The following ADGRE3 variants were observed in gnomAD, a reference collection of about 807,000 sequenced individuals.
The protein encoded by ADGRE3 is adhesion G protein-coupled receptor E3.
In ADGRE3, 88 loss-of-function variants were observed where a neutral mutation model predicts 80.1. The observed-to-expected ratio is 1.10, with a 90% CI of 0.93 to 1.31. The LOEUF is 1.31. Ranked by LOEUF, ADGRE3 falls within the 40% of genes most tolerant of loss-of-function variation. ADGRE3 has a pLI of 0.00. For missense variants in ADGRE3, 715 were observed against 776.5 expected (o/e 0.92, Z 0.94); for synonymous variants, 281 against 294.8 (o/e 0.95, Z 0.48).
At chr19:14,644,749 G>A (rs914094652) in intron 8 of ADGRE3, among the ~76,000 whole-genome samples, 12 of 151,248 alleles carry the variant, frequency 7.9e-5, no homozygotes, top group Admixed American at 7.2e-4. Flanking sequence ...TTTTTGAGAC[G>A]GGGTCTCATT....
chr19:14,625,748 T>A (rs1328240801), intron 14 of ADGRE3, 149 bp from the exon 15 acceptor site: 1 of 609,512 alleles, frequency 1.6e-6, no homozygotes, highest in East Asian at 2.8e-5. Flanking sequence ...TATTACTCAG[T>A]CTTATAAAGG....
chr19:14,660,336 C>T lies in ADGRE3; in HGVS notation c.355+1627G>A, dbSNP rs1971909896. On this transcript the variant is annotated intron_variant, in intron 4 of 15. Coordinates refer to ENST00000253673, the MANE Select transcript of ADGRE3 (RefSeq NM_032571.5). ...GAGGTGCGCATTGCTTAGTAAAAGA[C>T]AGATTTATGGCTGAGTGCTGTGGCT... Among the ~76,000 whole-genome samples the T allele has an allele frequency of 2.0e-5, 3 of 152,208 alleles. No individual in the cohort carries two copies. The South Asian group carries it at 6.2e-4, about 32-fold the overall frequency.
the ADGRE3 span, among the ~76,000 whole-genome samples, chr19:14,614,053 A>G: frequency 2.0e-3 from 300 of 151,882 alleles, 1 homozygote; most frequent in African/African-American, 6.6e-3. Flanking sequence ...GGCATTTCAC[A>G]GGCACGACCC....
At chr19:14,652,681 G>A (rs1235321355) in intron 6 of ADGRE3, among the ~76,000 whole-genome samples, 3 of 151,126 alleles carry the variant, frequency 2.0e-5, no homozygotes, top group Non-Finnish European at 4.4e-5. Flanking sequence ...GGAAGGCTGA[G>A]GCAGGAGAAT....
chr19:14,651,286 A>G, intron 6 of ADGRE3, 82 bp from the exon 7 acceptor site: 5 of 1,475,206 alleles, frequency 3.4e-6, no homozygotes, highest in Admixed American at 3.4e-5. Flanking sequence ...ATGGTGGTGC[A>G]TGCCTGTAGT....
rs774413810 is a variant in ADGRE3 at position 14,662,157 on chromosome 19, A to G, written c.200-39T>C. The G allele has an allele frequency of 3.1e-6, 5 of 1,606,196 alleles. No homozygotes were observed. In the South Asian group the frequency reaches 5.5e-5, roughly 18 times the overall value. On this transcript the variant is annotated intron_variant, in intron 3 of 15. Transcript: ENST00000253673. ...AAGCAATTGGGTCATTCATTCAGCA[A>G]AGATTTATTGAGCAGCTACTATGTG...
the ADGRE3 span, among the ~76,000 whole-genome samples, chr19:14,604,440 T>G: frequency 8.5e-5 from 13 of 152,268 alleles, no homozygotes; most frequent in Non-Finnish European, 1.8e-4. Context: ...CAGAAATATT[T>G]TCTTTTACAA....
chr19:14,644,638 C>T (rs931341481), intron 8 of ADGRE3, among the ~76,000 whole-genome samples: 1 of 151,982 alleles, frequency 6.6e-6, no homozygotes, highest in Non-Finnish European at 1.5e-5. Flanking sequence ...TTGTCTTTTT[C>T]CTCAGGAGGG....
In ADGRE3 at chr19:14,630,215, G is replaced by A; in HGVS notation, c.1644-8C>T. The A allele has an allele frequency of 2.5e-6, 4 of 1,594,834 alleles. No individual in the cohort carries two copies. Among genetic ancestry groups the A allele is most frequent in the Non-Finnish European group, 1.7e-6 (2 of 1,169,524 alleles). ...GCTTTGAAAGCCAGCATCCTGGGAG[G>A]AGGAAGTCAGAGATTAGGATGTCAA... On this transcript the variant is annotated splice_polypyrimidine_tract_variant and splice_region_variant and intron_variant, in intron 13 of 15. Transcript: ENST00000253673.
chr19:14,629,920 T>G (rs966218954), intron 14 of ADGRE3, 119 bp downstream of exon 14: 10 of 603,014 alleles, frequency 1.7e-5, no homozygotes, highest in Non-Finnish European at 2.8e-5. Flanking sequence ...GAGAGAGTGT[T>G]TACAGGTGGA....
chr19:14,639,682 C>T (rs1971193478), intron 10 of ADGRE3, among the ~76,000 whole-genome samples: 1 of 152,086 alleles, frequency 6.6e-6, no homozygotes, highest in South Asian at 2.1e-4. Flanking sequence ...TCCCAGTGTG[C>T]AGGGATTGCA....
rs201958148 is a variant in ADGRE3, at chr19:14,625,569, C to T, written c.1843G>A (p.Glu615Lys). 27 of 1,613,502 alleles carry T rather than the reference C, an allele frequency of 1.7e-5. No homozygotes were observed. Among genetic ancestry groups the T allele is most frequent in the South Asian group, 3.3e-5 (3 of 91,058 alleles). Residue 615 changes from glutamate (E) to lysine (K), a missense_variant, in exon 15 of 16, where the codon GAG becomes AAG. Coordinates refer to ENST00000253673, the MANE Select transcript of ADGRE3 (RefSeq NM_032571.5). ...GACTCAGATTTTGATTTTACGATCTCTCTAAACCACTTTTGATATTGTTTC... is the reference window on the plus strand; with the variant it reads ...GACTCAGATTTTGATTTTACGATCTTTCTAAACCACTTTTGATATTGTTTC... Reference protein sequence around the residue: ...VQKQYQKWFREIVKSKSESET... With the variant: ...VQKQYQKWFRKIVKSKSESET...
intron 10 of ADGRE3, among the ~76,000 whole-genome samples, chr19:14,639,196 A>G (rs962164190): frequency 3.3e-5 from 5 of 152,178 alleles, no homozygotes; most frequent in African/African-American, 1.2e-4. Context: ...CAGTCCTAAA[A>G]GAGTGAATTT....
chr19:14,618,846 CAAAAA>C (rs771965258), downstream of ADGRE3, among the ~76,000 whole-genome samples: 427 of 61,922 alleles, frequency 6.9e-3, 7 homozygotes, highest in African/African-American at 0.027. Flanking sequence ...AACTCCATCT[CAAAAA>C]AAAAAAAAAA....
intron 2 of ADGRE3, among the ~76,000 whole-genome samples, chr19:14,664,252 A>G (rs1417781487): frequency 6.6e-6 from 1 of 152,128 alleles, no homozygotes; most frequent in Non-Finnish European, 1.5e-5. Flanking sequence ...AGCCTGACCA[A>G]CATGGTGAAA....
rs139751044 is a variant in ADGRE3, at chr19:14,641,543, G to A, written c.1124C>T (p.Ala375Val). 11 of 1,613,848 alleles carry A rather than the reference G, an allele frequency of 6.8e-6. No individual in the cohort carries two copies. Among genetic ancestry groups the A allele is most frequent in the Non-Finnish European group, 9.3e-6 (11 of 1,179,794 alleles). Residue 375 changes from alanine to valine, a missense_variant, in exon 10 of 16, where the codon GCC (alanine) becomes GTC (valine). By Grantham distance (64) the Ala-to-Val change is moderately conservative. Coordinates refer to ENST00000253673, the MANE Select transcript of ADGRE3 (RefSeq NM_032571.5). Reference protein sequence around the residue: ...SVSLLCLLLAALTFLLCKAIR... With the variant: ...SVSLLCLLLAVLTFLLCKAIR... Reference sequence around the variant, plus strand: ...GGCTTTACACAGGAGAAAAGTGAGGGCCGCCAGGAGGAGGCACAGCAGAGA... The same window carrying A: ...GGCTTTACACAGGAGAAAAGTGAGGACCGCCAGGAGGAGGCACAGCAGAGA...
At chr19:14,650,933 G>A in intron 7 of ADGRE3, 152 bp downstream of exon 7, 2 of 863,692 alleles carry the variant, frequency 2.3e-6, no homozygotes, top group South Asian at 1.9e-5. Context: ...TTGGGAAAAT[G>A]TCTTTTTTTT....
downstream of ADGRE3, among the ~76,000 whole-genome samples, chr19:14,617,344 T>TTCTTTCTCTTCTTTCTTTCTTTCTTTC (rs2075084170): frequency 2.0e-5 from 1 of 49,332 alleles, no homozygotes; most frequent in African/African-American, 8.3e-5. Flanking sequence ...CTCCCTCCCT[T>TTCTTTCTCTTCTTTCTTTCTTTCTTTC]TCTTTCTTTC....
intron 10 of ADGRE3, among the ~76,000 whole-genome samples, chr19:14,639,707 TG>T (rs1378789937): frequency 6.6e-6 from 1 of 152,182 alleles, no homozygotes; most frequent in Non-Finnish European, 1.5e-5. Flanking sequence ...TCAGCCACTG[TG>T]TCTGGCCCAA....
Sources: gnomAD v4.1 joint callset for allele counts (sites outside exome capture counted in the v4.1 genomes callset) on GRCh38, gnomAD v4.1.1 for gene constraint, MANE v1.5 for transcripts, NCBI Gene and HGNC (gene_info 2026-07-23, HGNC 2026-07-21) for gene names.